The following GABRA4 variants were observed in gnomAD, a reference collection of about 807,000 sequenced individuals.
GABRA4 encodes gamma-aminobutyric acid type A receptor subunit alpha4.
GABRA4 carries 12 observed loss-of-function variants against 49.7 expected under a neutral mutation model. The observed-to-expected ratio is 0.24, with a 90% CI of 0.15 to 0.39. The LOEUF is 0.39. Ranked by LOEUF, GABRA4 falls within the 10% of genes least tolerant of loss-of-function variation. The pLI is 1.00. For missense variants in GABRA4, 506 were observed against 686.0 expected (o/e 0.74, Z 2.93); for synonymous variants, 288 against 240.2 (o/e 1.20, Z -1.84).
chr4:46,936,345 G>A (rs188319364), intron 8 of GABRA4, among the ~76,000 whole-genome samples: 1 of 152,236 alleles, frequency 6.6e-6, no homozygotes, highest in East Asian at 1.9e-4. Context: ...TGCCTCCCAG[G>A]TTCAAGCAAT....
intron 8 of GABRA4, among the ~76,000 whole-genome samples, chr4:46,944,334 GC>G (rs1721911766): frequency 2.1e-5 from 3 of 139,742 alleles, no homozygotes; most frequent in South Asian, 5.0e-4. Flanking sequence ...TTCTTTGTCA[GC>G]CAGGGGGCAG....
chr4:46,920,819 A>C lies in GABRA4; in HGVS notation c.*7406T>G, dbSNP rs951985649. 1 of 151,804 alleles carries C rather than the reference A, an allele frequency of 6.6e-6. No homozygotes were observed. Among genetic ancestry groups the C allele is most frequent in the Non-Finnish European group, 1.5e-5 (1 of 67,756 alleles). 9.4% of individuals were successfully genotyped at this position (151,804 alleles called of 1,614,324 possible). A position where few individuals can be genotyped will look rare whatever the true frequency, so the allele number is the denominator to read the frequency against. ...GTATACAGTAGAAAAATTAAAGAAGACTATAATTAGTTTTAAATCTTAGTG... is the reference window on the plus strand; with the variant it reads ...GTATACAGTAGAAAAATTAAAGAAGCCTATAATTAGTTTTAAATCTTAGTG... On this transcript the variant is annotated 3_prime_UTR_variant, in exon 9 of 9. Transcript: ENST00000264318.
intron 2 of GABRA4, among the ~76,000 whole-genome samples, chr4:46,991,918 C>T (rs1723760658): frequency 6.6e-6 from 1 of 152,184 alleles, no homozygotes; most frequent in Non-Finnish European, 1.5e-5. Context: ...TCCTGTTCAA[C>T]TCAGTTGCTG....
chr4:46,942,371 T>G (rs1053484683), intron 8 of GABRA4, among the ~76,000 whole-genome samples: 13 of 152,076 alleles, frequency 8.5e-5, no homozygotes, highest in African/African-American at 3.1e-4. Context: ...CATCTTTCCT[T>G]TGAAATTATT....
chr4:46,959,273 T>A (rs1391340687), intron 8 of GABRA4, among the ~76,000 whole-genome samples: 2 of 151,916 alleles, frequency 1.3e-5, no homozygotes, highest in South Asian at 4.1e-4. Context: ...GGAGGATGGG[T>A]GGGCCAACCC....
At chr4:46,943,834 T>C (rs1391855479) in intron 8 of GABRA4, among the ~76,000 whole-genome samples, 1 of 152,138 alleles carries the variant, frequency 6.6e-6, no homozygotes, top group Non-Finnish European at 1.5e-5. Flanking sequence ...AATACAGTTA[T>C]GGGATACATG....
Position 46,926,391 on chromosome 4 carries a change from T to G in GABRA4, c.*1834A>C, listed in dbSNP as rs1276718988. 2 of 151,926 alleles carry G rather than the reference T, an allele frequency of 1.3e-5. No individual in the cohort carries two copies. The highest frequency in any genetic ancestry group is 4.8e-5 in the African/African-American group (2 of 41,436). 9.4% of individuals were successfully genotyped at this position (151,926 alleles called of 1,614,324 possible). A position where few individuals can be genotyped will look rare whatever the true frequency, so the allele number is the denominator to read the frequency against. On this transcript the variant is annotated 3_prime_UTR_variant, in exon 9 of 9. Transcript: ENST00000264318. The stretch of plus-strand genomic sequence containing the variant: ...TTGGGACTGGGTGATTTCGACAGTA[T>G]CTTTCAGCCTTAAAATGTGTTGATT...
At chr4:46,933,078 A>G (rs1237575576) in intron 8 of GABRA4, among the ~76,000 whole-genome samples, 1 of 152,096 alleles carries the variant, frequency 6.6e-6, no homozygotes, top group Non-Finnish European at 1.5e-5. Context: ...GAAGTAAGAG[A>G]CTTTTTGAGA....
chr4:46,972,680 C>T (rs1251860496), intron 6 of GABRA4, among the ~76,000 whole-genome samples: 1 of 151,576 alleles, frequency 6.6e-6, no homozygotes, highest in Non-Finnish European at 1.5e-5. Flanking sequence ...ATGCACTCTG[C>T]TATGCGGTGG....
In GABRA4 at chr4:46,920,735, A is replaced by G. The variant is rs1041462123; in HGVS notation, c.*7490T>C. 6.6e-6 allele frequency: 1 copy of G among 151,748 alleles called. No individual in the cohort carries two copies. The highest frequency in any genetic ancestry group is 1.5e-5 in the Non-Finnish European group (1 of 67,746). 9.4% of individuals were successfully genotyped at this position (151,748 alleles called of 1,614,324 possible). Reference sequence around the variant, plus strand: ...TTAGGTTATATCTTATAGCAACTAGATTTGCATGGGATAAGTAAAAGTAAT... The same window carrying G: ...TTAGGTTATATCTTATAGCAACTAGGTTTGCATGGGATAAGTAAAAGTAAT... On this transcript the variant is annotated 3_prime_UTR_variant, in exon 9 of 9. Coordinates refer to ENST00000264318, the MANE Select transcript of GABRA4 (RefSeq NM_000809.4).
At chr4:46,984,250 A>G (rs1329338321) in intron 2 of GABRA4, among the ~76,000 whole-genome samples, 1 of 152,024 alleles carries the variant, frequency 6.6e-6, no homozygotes, top group East Asian at 1.9e-4. Context: ...TTTTCCAGCC[A>G]CCTTATCCAT....
rs766418784 is a variant in GABRA4, at chr4:46,992,895, T to A, written c.138A>T (p.Glu46Asp). ...QNQKEEKLCTENFTRILDSLL... is the reference protein window; with the variant it reads ...QNQKEEKLCTDNFTRILDSLL... ...AACTGTCCAGGATGCGGGTGAAATT[T>A]TCTGTGCACAATTTCTCCTCCTTTT... is the stretch of plus-strand genomic sequence containing the variant. The change falls in exon 2 of 9, where the codon GAA (glutamate) becomes GAT (aspartate). Residue 46 changes from glutamate (E) to aspartate (D), a missense_variant. By Grantham distance (45) the Glu-to-Asp change is conservative (BLOSUM62 2). Coordinates refer to ENST00000264318, the MANE Select transcript of GABRA4 (RefSeq NM_000809.4). 6.2e-7 allele frequency: 1 copy of A among 1,613,690 alleles called. No individual in the cohort carries two copies. Among genetic ancestry groups the A allele is most frequent in the Non-Finnish European group, 8.5e-7 (1 of 1,179,908 alleles).
rs1351136052 is a variant in GABRA4, at chr4:46,925,215, A to G, written c.*3010T>C. 2 of 151,942 alleles carry G rather than the reference A, an allele frequency of 1.3e-5. No homozygotes were observed. Among genetic ancestry groups the G allele is most frequent in the African/African-American group, 2.4e-5 (1 of 41,418 alleles). 9.4% of individuals were successfully genotyped at this position (151,942 alleles called of 1,614,324 possible). On this transcript the variant is annotated 3_prime_UTR_variant, in exon 9 of 9. Transcript: ENST00000264318. ...TTGTCATGTAACTTCTCTGTGACTC[A>G]TTTCATCAAAAAAAGTGTGACTCTA...
intron 2 of GABRA4, among the ~76,000 whole-genome samples, chr4:46,987,036 A>G (rs1025865650): frequency 2.0e-5 from 3 of 152,100 alleles, no homozygotes; most frequent in Admixed American, 6.5e-5. Context: ...CCTGTTCTGA[A>G]CACAAGGAGA....
chr4:46,960,529 C>A (rs1722538661), intron 8 of GABRA4, among the ~76,000 whole-genome samples: 1 of 151,558 alleles, frequency 6.6e-6, no homozygotes, highest in African/African-American at 2.4e-5. Context: ...ACATTCAAAT[C>A]TGTATAGGTA....
chr4:46,955,870 AG>A (rs112002151), intron 8 of GABRA4, among the ~76,000 whole-genome samples: 5 of 152,210 alleles, frequency 3.3e-5, no homozygotes, highest in African/African-American at 1.2e-4. Flanking sequence ...CAAGATTAAT[AG>A]CCTGTCTCTC....
chr4:46,984,687 T>C (rs1723472226), intron 2 of GABRA4, among the ~76,000 whole-genome samples: 1 of 151,928 alleles, frequency 6.6e-6, no homozygotes, highest in Non-Finnish European at 1.5e-5. Context: ...GGAAAAGATA[T>C]TCAACCACGT....
At chr4:46,988,341 A>ATTTT in intron 2 of GABRA4, among the ~76,000 whole-genome samples, 1 of 152,326 alleles carries the variant, frequency 6.6e-6, no homozygotes, top group East Asian at 1.9e-4. Flanking sequence ...ATATCTTCAC[A>ATTTT]ACCTTACATT....
intron 8 of GABRA4, among the ~76,000 whole-genome samples, chr4:46,956,266 A>G (rs1722357531): frequency 6.6e-6 from 1 of 152,098 alleles, no homozygotes; most frequent in Admixed American, 6.6e-5. Context: ...ATGTCAGATG[A>G]ATTGTCGGTA....
Sources: allele counts gnomAD v4.1 joint callset (sites outside exome capture counted in the v4.1 genomes callset), GRCh38; gene constraint gnomAD v4.1.1; transcripts MANE v1.5; gene names NCBI Gene and HGNC (gene_info 2026-07-23, HGNC 2026-07-21).